Variants in ME1 observed in about 807,000 individuals in gnomAD.
ME1 encodes NADP-dependent malic enzyme.
ME1 carries 74 observed loss-of-function variants against 66.4 expected under a neutral mutation model. The ratio of observed to expected loss-of-function variants is 1.11; its 90% CI spans 0.92 to 1.35. The LOEUF (loss-of-function observed/expected upper bound fraction) is 1.35. Among genes scored for constraint, ME1 ranks in the 40% most tolerant of loss-of-function variants. The probability of loss-of-function intolerance (pLI) is 0.00; values close to 1 mark genes in which losing one functional copy is unlikely to be tolerated. For synonymous variants in ME1, 251 were observed against 235.6 expected (o/e 1.07, Z -0.60); for missense variants, 750 against 694.1 (o/e 1.08, Z -0.90).
intron 6 of ME1, among the ~76,000 whole-genome samples, chr6:83,292,581 G>A (rs1010624972): frequency 6.6e-6 from 1 of 152,198 alleles, no homozygotes; most frequent in African/African-American, 2.4e-5. Context: ...CAGGGGTCAG[G>A]GACCCACTTG....
rs573002583 is a variant in ME1, at chr6:83,265,502, C to T, written c.705-11764G>A. On this transcript the variant is annotated intron_variant, in intron 6 of 13. Coordinates refer to ENST00000369705, the MANE Select transcript of ME1 (RefSeq NM_002395.6). ...GTTTTGTAGAGACAAGGGCTCACTA[C>T]ATTGCCCAGGCTAGTCTCAAACTCC... 6.6e-5 allele frequency among the ~76,000 whole-genome samples: 10 copies of T among 152,156 alleles called. No individual in the cohort carries two copies. The South Asian group carries it at 2.1e-3, about 32-fold the overall frequency.
At chr6:83,251,872 A>G (rs1790731049) in intron 7 of ME1, among the ~76,000 whole-genome samples, 1 of 152,178 alleles carries the variant, frequency 6.6e-6, no homozygotes, top group Non-Finnish European at 1.5e-5. Flanking sequence ...AACTAATAAG[A>G]TCAGATTTCT....
chr6:83,387,005 GC>G (rs34905777), intron 3 of ME1, among the ~76,000 whole-genome samples: 8,514 of 152,128 alleles, frequency 0.056, 306 homozygotes, highest in Admixed American at 0.098. Flanking sequence ...TATCATAGCA[GC>G]CCAAATTGAC....
chr6:83,430,754 G>A (rs1157470815), intron 1 of ME1, 123 bp downstream of exon 1: 7 of 808,216 alleles, frequency 8.7e-6, no homozygotes, highest in African/African-American at 1.8e-5. Flanking sequence ...GGCCGCGGCC[G>A]CTCACCGGGA....
chr6:83,229,132 C>A, intron 9 of ME1: 1 of 606,414 alleles, frequency 1.6e-6, no homozygotes, highest in Non-Finnish European at 2.9e-6. Context: ...ATGTTCTAGG[C>A]AATGGAGATG....
intron 3 of ME1, among the ~76,000 whole-genome samples, chr6:83,355,208 G>T (rs961229334): frequency 8.7e-4 from 133 of 152,220 alleles, no homozygotes; most frequent in African/African-American, 3.1e-3. Context: ...ACTTTTTAAA[G>T]AAGGCACTTT....
intron 8 of ME1, among the ~76,000 whole-genome samples, chr6:83,238,284 C>T (rs1372369715): frequency 6.6e-6 from 1 of 152,170 alleles, no homozygotes; most frequent in African/African-American, 2.4e-5. Flanking sequence ...TCTACTTACT[C>T]TTCTAATTTG....
intron 3 of ME1, among the ~76,000 whole-genome samples, chr6:83,386,699 T>C (rs1769509519): frequency 6.6e-6 from 1 of 151,800 alleles, no homozygotes; most frequent in Non-Finnish European, 1.5e-5. Context: ...ACTGAATGTG[T>C]CCCCCAAAAT....
chr6:83,420,063 G>A (rs1004699261), intron 1 of ME1, among the ~76,000 whole-genome samples: 12 of 152,012 alleles, frequency 7.9e-5, no homozygotes, highest in Admixed American at 2.0e-4. Context: ...GAATGTGTAG[G>A]TGGTATCTTT....
Position 83,356,172 on chromosome 6 carries a change from T to C in ME1, c.363-4033A>G, listed in dbSNP as rs551900924. Among the ~76,000 whole-genome samples, 4 of 152,266 alleles carry C rather than the reference T, an allele frequency of 2.6e-5. No homozygotes were observed. In the South Asian group the frequency reaches 8.3e-4, roughly 32 times the overall value. On this transcript the variant is annotated intron_variant, in intron 3 of 13. Coordinates refer to ENST00000369705, the MANE Select transcript of ME1 (RefSeq NM_002395.6). ...ACTGTAATCAAACTTGTATTTCATT[T>C]TGGAGATAAGTTTATGACCCTGATC... is the stretch of plus-strand genomic sequence containing the variant.
At chr6:83,404,656 G>A (rs1051729685) in intron 2 of ME1, among the ~76,000 whole-genome samples, 5 of 152,060 alleles carry the variant, frequency 3.3e-5, no homozygotes, top group Admixed American at 1.3e-4. Context: ...CGTTTAAATC[G>A]TTAATCCATC....
intron 6 of ME1, among the ~76,000 whole-genome samples, chr6:83,310,245 T>A (rs1183579604): frequency 6.6e-6 from 1 of 152,128 alleles, no homozygotes; most frequent in African/African-American, 2.4e-5. Context: ...ATCCAGTGAC[T>A]AATTGATGCA....
At position 83,396,073 on chromosome 6, in the gene ME1, T is replaced by G. The variant is rs117319460; in HGVS notation, c.362+2294A>C. ...AAAAAGCAATCCCATTAATAATAGC[T>G]ACAAAGGGTGGGTGTGGTGGCTCAT... On this transcript the variant is annotated intron_variant, in intron 3 of 13. Transcript: ENST00000369705. 2.4e-3 allele frequency among the ~76,000 whole-genome samples: 372 copies of G among 152,124 alleles called. 5 individuals carry two copies. Among genetic ancestry groups the G allele is most frequent in the East Asian group, 0.021 (109 of 5,180 alleles).
intron 6 of ME1, among the ~76,000 whole-genome samples, chr6:83,274,281 T>C (rs1397443155): frequency 6.6e-6 from 1 of 152,132 alleles, no homozygotes; most frequent in Non-Finnish European, 1.5e-5. Flanking sequence ...ACATGTTTGA[T>C]AAAAATACTG....
At chr6:83,373,639 T>A (rs1272454192) in intron 3 of ME1, among the ~76,000 whole-genome samples, 1 of 152,220 alleles carries the variant, frequency 6.6e-6, no homozygotes, top group African/African-American at 2.4e-5. Flanking sequence ...CTGGGATACA[T>A]GTGTACAGAA....
chr6:83,410,007 T>C (rs1770019850), intron 1 of ME1, among the ~76,000 whole-genome samples: 1 of 152,162 alleles, frequency 6.6e-6, no homozygotes, highest in Non-Finnish European at 1.5e-5. Context: ...TGTCAGTCCT[T>C]TACCCAGCAG....
intron 6 of ME1, among the ~76,000 whole-genome samples, chr6:83,298,423 T>TA (rs1434853563): frequency 6.6e-6 from 1 of 152,196 alleles, no homozygotes; most frequent in Non-Finnish European, 1.5e-5. Context: ...TGTTTTTTTT[T>TA]ATTGTAAATT....
intron 2 of ME1, among the ~76,000 whole-genome samples, chr6:83,399,032 C>T (rs183571838): frequency 5.9e-5 from 9 of 152,150 alleles, no homozygotes; most frequent in African/African-American, 1.9e-4. Context: ...CTCGCTCTGT[C>T]GCCCAGGCTG....
intron 13 of ME1, among the ~76,000 whole-genome samples, chr6:83,216,037 G>A (rs1488040648): frequency 6.6e-6 from 1 of 152,078 alleles, no homozygotes; most frequent in Non-Finnish European, 1.5e-5. Flanking sequence ...TCTTTATTTT[G>A]CCTTCCGCCC....
Sources: gnomAD v4.1 joint callset for allele counts (sites outside exome capture counted in the v4.1 genomes callset) on GRCh38, gnomAD v4.1.1 for gene constraint, MANE v1.5 for transcripts, NCBI Gene and HGNC (gene_info 2026-07-23, HGNC 2026-07-21) for gene names.